Variants in TRPM3 observed in about 807,000 individuals in gnomAD.
TRPM3 encodes transient receptor potential cation channel subfamily M member 3, also known as long transient receptor potential channel 3.
TRPM3 carries 77 observed loss-of-function variants against 181.2 expected under a neutral mutation model. The ratio of observed to expected loss-of-function variants is 0.42; its 90% CI spans 0.35 to 0.51. The LOEUF is 0.51. Ranked by LOEUF, TRPM3 falls within the 20% of genes least tolerant of loss-of-function variation. The pLI, the probability that TRPM3 is intolerant of heterozygous loss-of-function variation, is 0.01. For synonymous variants in TRPM3, 745 were observed against 796.4 expected, an observed-to-expected ratio of 0.94 and a Z score of 1.09; for missense variants, 1,759 against 2,196.7, an observed-to-expected ratio of 0.80 and a Z score of 3.98.
chr9:71,068,544 C>A (rs1043480691), intron 1 of TRPM3, among the ~76,000 whole-genome samples: 31 of 152,184 alleles, frequency 2.0e-4, no homozygotes, highest in Non-Finnish European at 5.9e-5. Flanking sequence ...AAACTACTTA[C>A]AGCTGTGTGT....
chr9:71,217,304 G>A (rs2079951555), intron 1 of TRPM3, among the ~76,000 whole-genome samples: 1 of 152,126 alleles, frequency 6.6e-6, no homozygotes, highest in Non-Finnish European at 1.5e-5. Flanking sequence ...CAGTGTAACA[G>A]GGTTCATGGT....
chr9:70,758,083 A>G (rs2077410062), intron 8 of TRPM3, among the ~76,000 whole-genome samples: 1 of 152,198 alleles, frequency 6.6e-6, no homozygotes, highest in Non-Finnish European at 1.5e-5. Flanking sequence ...AGAAAACCCC[A>G]TCGTCTCAGC....
chr9:71,119,478 G>C (rs970825142), intron 1 of TRPM3, among the ~76,000 whole-genome samples: 5 of 152,104 alleles, frequency 3.3e-5, no homozygotes, highest in Non-Finnish European at 7.4e-5. Flanking sequence ...TCTAAAAGAA[G>C]TACCTCAGGT....
chr9:71,094,899 T>C (rs1474753566), intron 1 of TRPM3, among the ~76,000 whole-genome samples: 45 of 152,158 alleles, frequency 3.0e-4, no homozygotes, highest in Non-Finnish European at 1.0e-4. Flanking sequence ...GTTGATCTTA[T>C]GGGATACAGT....
intron 19 of TRPM3, among the ~76,000 whole-genome samples, chr9:70,608,863 A>C (rs938733838): frequency 6.6e-6 from 1 of 152,160 alleles, no homozygotes; most frequent in Non-Finnish European, 1.5e-5. Flanking sequence ...TATTATCTTG[A>C]TAAAATAGTT....
chr9:70,757,533 A>G (rs1417165055), intron 8 of TRPM3, among the ~76,000 whole-genome samples: 1 of 152,226 alleles, frequency 6.6e-6, no homozygotes, highest in Admixed American at 6.5e-5. Context: ...CACAACAACA[A>G]AAAAGGAAAA....
chr9:70,931,701 T>C (rs190400457), intron 1 of TRPM3, among the ~76,000 whole-genome samples: 2 of 152,300 alleles, frequency 1.3e-5, no homozygotes, highest in African/African-American at 2.4e-5. Flanking sequence ...CATCTTTTAG[T>C]ATTCTACTCA....
intron 1 of TRPM3, among the ~76,000 whole-genome samples, chr9:71,315,258 A>G (rs2088450627): frequency 6.6e-6 from 1 of 152,166 alleles, no homozygotes; most frequent in Admixed American, 6.6e-5. Flanking sequence ...GGTGGGGTAA[A>G]AGAATTACAC....
At chr9:71,138,381 A>G (rs776435551) in intron 1 of TRPM3, among the ~76,000 whole-genome samples, 1 of 152,174 alleles carries the variant, frequency 6.6e-6, no homozygotes, top group Non-Finnish European at 1.5e-5. Context: ...TGCATACGCT[A>G]TGGTTGCCTG....
At chr9:70,767,034 G>T (rs980044754) in intron 7 of TRPM3, among the ~76,000 whole-genome samples, 4 of 152,250 alleles carry the variant, frequency 2.6e-5, no homozygotes, top group Non-Finnish European at 4.4e-5. Context: ...TATTCAGAGA[G>T]TCCTACGATG....
intron 1 of TRPM3, among the ~76,000 whole-genome samples, chr9:71,249,069 A>T (rs1009290871): frequency 2.0e-5 from 3 of 152,210 alleles, no homozygotes; most frequent in Admixed American, 6.5e-5. Context: ...CACTTGAAAA[A>T]ATTTGCTCAT....
intron 3 of TRPM3, among the ~76,000 whole-genome samples, chr9:70,862,514 G>A (rs1048066674): frequency 2.6e-5 from 4 of 152,010 alleles, no homozygotes; most frequent in Non-Finnish European, 5.9e-5. Context: ...GAATAAAACA[G>A]AAGTCTAAAG....
At chr9:70,928,308 T>C (rs1483230455) in intron 1 of TRPM3, among the ~76,000 whole-genome samples, 1 of 152,212 alleles carries the variant, frequency 6.6e-6, no homozygotes, top group Non-Finnish European at 1.5e-5. Context: ...AGACTTGTCT[T>C]AACAGACCAT....
chr9:70,779,287 CT>C (rs955362566), intron 7 of TRPM3, among the ~76,000 whole-genome samples: 5 of 152,108 alleles, frequency 3.3e-5, no homozygotes, highest in African/African-American at 1.2e-4. Context: ...GACTAAAAAA[CT>C]TGAAGGCTTT....
chr9:70,545,679 C>T (rs1243807246), intron 25 of TRPM3, among the ~76,000 whole-genome samples: 1 of 151,002 alleles, frequency 6.6e-6, no homozygotes, highest in Non-Finnish European at 1.5e-5. Flanking sequence ...CCACAAGTAG[C>T]TGGCATTACA....
chr9:71,072,697 C>T (rs763866872), intron 1 of TRPM3, among the ~76,000 whole-genome samples: 2 of 152,068 alleles, frequency 1.3e-5, no homozygotes, highest in African/African-American at 4.8e-5. Context: ...GAGTGAGGGT[C>T]GTAATCAACT....
chr9:71,004,000 T>C (rs1294155677), intron 1 of TRPM3, among the ~76,000 whole-genome samples: 1 of 152,222 alleles, frequency 6.6e-6, no homozygotes, highest in Non-Finnish European at 1.5e-5. Context: ...AATATGAGGT[T>C]GACATTTGAT....
At chr9:71,297,288 G>A (rs1366559313) in intron 1 of TRPM3, among the ~76,000 whole-genome samples, 2 of 152,142 alleles carry the variant, frequency 1.3e-5, no homozygotes, top group East Asian at 1.9e-4. Context: ...AAGAACTCAC[G>A]ATATGCTGGG....
At chr9:70,963,090 G>A (rs1018186476) in intron 1 of TRPM3, among the ~76,000 whole-genome samples, 1 of 152,182 alleles carries the variant, frequency 6.6e-6, no homozygotes, top group African/African-American at 2.4e-5. Flanking sequence ...GAAGACCAGT[G>A]TTTAAACAGT....
Sources: allele counts gnomAD v4.1 joint callset (sites outside exome capture counted in the v4.1 genomes callset), GRCh38; gene constraint gnomAD v4.1.1; transcripts MANE v1.5; gene names NCBI Gene and HGNC (gene_info 2026-07-23, HGNC 2026-07-21).